LRRTM4: variants seen among roughly 807,000 people sequenced by gnomAD.
LRRTM4 encodes the protein leucine rich repeat transmembrane neuronal 4, also known as leucine-rich repeat transmembrane neuronal protein 4.
LRRTM4 carries 25 observed loss-of-function variants against 47.6 expected under a neutral mutation model. The observed-to-expected ratio is 0.53, with a 90% CI of 0.38 to 0.73. LRRTM4 has a LOEUF of 0.73. Among genes scored for constraint, LRRTM4 ranks in the 30% least tolerant of loss-of-function variants. The probability of loss-of-function intolerance (pLI) is 0.00; values close to 1 mark genes in which losing one functional copy is unlikely to be tolerated. For synonymous variants in LRRTM4, 311 were observed against 269.5 expected, an observed-to-expected ratio of 1.15 and a Z score of -1.51; for missense variants, 638 against 713.4, an observed-to-expected ratio of 0.89 and a Z score of 1.20.
At chr2:77,477,630 G>T (rs945064573) in intron 3 of LRRTM4, among the ~76,000 whole-genome samples, 1 of 151,808 alleles carries the variant, frequency 6.6e-6, no homozygotes, top group African/African-American at 2.4e-5. Flanking sequence ...ATGACCTGAG[G>T]TTGGGAGTTT....
At chr2:77,076,571 TTA>T (rs1680344051) in intron 3 of LRRTM4, among the ~76,000 whole-genome samples, 2 of 152,176 alleles carry the variant, frequency 1.3e-5, no homozygotes, top group African/African-American at 4.8e-5. Context: ...GAATATCTTG[TTA>T]TGTTTCTTCG....
intron 3 of LRRTM4, among the ~76,000 whole-genome samples, chr2:77,133,121 T>A (rs1671846593): frequency 6.6e-6 from 1 of 152,188 alleles, no homozygotes; most frequent in Non-Finnish European, 1.5e-5. Context: ...GCATAGCCAA[T>A]GGTCATAAGA....
At chr2:77,486,716 G>A (rs1677923937) in intron 3 of LRRTM4, among the ~76,000 whole-genome samples, 1 of 152,196 alleles carries the variant, frequency 6.6e-6, no homozygotes, top group African/African-American at 2.4e-5. Context: ...CTTACACAGA[G>A]GGTGTGATTA....
At chr2:77,309,685 A>T (rs1272509374) in intron 3 of LRRTM4, among the ~76,000 whole-genome samples, 2 of 2,876 alleles carry the variant, frequency 7.0e-4, no homozygotes, top group African/African-American at 1.5e-3. Flanking sequence ...GACAGATGAT[A>T]GATAGATAGA....
intron 3 of LRRTM4, among the ~76,000 whole-genome samples, chr2:77,251,988 G>C (rs748176729): frequency 1.2e-4 from 18 of 152,046 alleles, no homozygotes; most frequent in Non-Finnish European, 2.2e-4. Context: ...TAAAAATATT[G>C]AAAATAAAAT....
chr2:77,045,741 G>C (rs1679212138), intron 3 of LRRTM4, among the ~76,000 whole-genome samples: 1 of 151,918 alleles, frequency 6.6e-6, no homozygotes, highest in Non-Finnish European at 1.5e-5. Flanking sequence ...ACATGGAACT[G>C]TAAGTCCAAT....
chr2:77,485,269 C>T (rs923118579), intron 3 of LRRTM4, among the ~76,000 whole-genome samples: 1 of 151,878 alleles, frequency 6.6e-6, no homozygotes, highest in Non-Finnish European at 1.5e-5. Context: ...AGGAGAGAGA[C>T]AAAGAGACCA....
chr2:77,502,720 A>T (rs536437917), intron 3 of LRRTM4, among the ~76,000 whole-genome samples: 2 of 151,718 alleles, frequency 1.3e-5, no homozygotes, highest in African/African-American at 4.8e-5. Flanking sequence ...TCAAGTCATT[A>T]TGAAAAAGGA....
intron 3 of LRRTM4, among the ~76,000 whole-genome samples, chr2:77,357,845 A>C (rs1196332549): frequency 6.6e-6 from 1 of 152,194 alleles, no homozygotes; most frequent in Non-Finnish European, 1.5e-5. Flanking sequence ...ATAAAATCTT[A>C]ATAAACAGAG....
intron 3 of LRRTM4, among the ~76,000 whole-genome samples, chr2:77,290,690 A>G (rs1676798940): frequency 6.6e-6 from 1 of 152,022 alleles, no homozygotes; most frequent in Admixed American, 6.6e-5. Flanking sequence ...AGTATCTGTA[A>G]TAATGAAAAT....
chr2:77,213,696 G>C (rs946547150), intron 3 of LRRTM4, among the ~76,000 whole-genome samples: 1 of 152,144 alleles, frequency 6.6e-6, no homozygotes, highest in Admixed American at 6.5e-5. Flanking sequence ...CTTTAGGACT[G>C]TCAGAAGTCC....
intron 3 of LRRTM4, among the ~76,000 whole-genome samples, chr2:77,351,680 T>C (rs936309150): frequency 3.3e-5 from 5 of 150,248 alleles, no homozygotes; most frequent in African/African-American, 1.2e-4. Flanking sequence ...TACTCGAACA[T>C]AATTACATGA....
At chr2:77,245,069 T>C (rs1440826648) in intron 3 of LRRTM4, among the ~76,000 whole-genome samples, 1 of 152,202 alleles carries the variant, frequency 6.6e-6, no homozygotes, top group Non-Finnish European at 1.5e-5. Flanking sequence ...CACTAATTTC[T>C]GGATTGTTTT....
chr2:77,205,993 C>A (rs1674114569), intron 3 of LRRTM4, among the ~76,000 whole-genome samples: 1 of 151,586 alleles, frequency 6.6e-6, no homozygotes, highest in Admixed American at 6.6e-5. Flanking sequence ...GCACCACCAC[C>A]CCTGGCAAAT....
intron 3 of LRRTM4, among the ~76,000 whole-genome samples, chr2:77,036,562 T>A (rs1486978189): frequency 6.6e-6 from 1 of 151,756 alleles, no homozygotes; most frequent in Non-Finnish European, 1.5e-5. Context: ...CTTCTTGACA[T>A]TCTCTAAATG....
At chr2:77,436,123 G>A (rs939535154) in intron 3 of LRRTM4, among the ~76,000 whole-genome samples, 2 of 152,108 alleles carry the variant, frequency 1.3e-5, no homozygotes, top group African/African-American at 4.8e-5. Flanking sequence ...CATATTAAAA[G>A]CGGTACCAAA....
chr2:77,061,644 A>T (rs1378197711), intron 3 of LRRTM4, among the ~76,000 whole-genome samples: 1 of 152,178 alleles, frequency 6.6e-6, no homozygotes, highest in Non-Finnish European at 1.5e-5. Flanking sequence ...AGTAGAAAAT[A>T]TCATGTTCAT....
intron 3 of LRRTM4, among the ~76,000 whole-genome samples, chr2:76,808,633 T>C (rs1431652674): frequency 6.6e-6 from 1 of 152,208 alleles, no homozygotes; most frequent in East Asian, 1.9e-4. Flanking sequence ...CACACTTTTA[T>C]TTTCTTAAAG....
chr2:77,516,891 G>A (rs965695817), intron 3 of LRRTM4: 2 of 984,656 alleles, frequency 2.0e-6, no homozygotes, highest in Admixed American at 6.2e-5. Flanking sequence ...TTTGTAGTTA[G>A]GACTATGGAA....
Sources: gnomAD v4.1 joint callset for allele counts (sites outside exome capture counted in the v4.1 genomes callset) on GRCh38, gnomAD v4.1.1 for gene constraint, MANE v1.5 for transcripts, NCBI Gene and HGNC (gene_info 2026-07-23, HGNC 2026-07-21) for gene names.